The following ANTXR2 variants were observed in gnomAD, a reference collection of about 807,000 sequenced individuals.
ANTXR2 encodes ANTXR cell adhesion molecule 2, also known as anthrax toxin receptor 2.
A neutral mutation model predicts 73.7 loss-of-function variants in ANTXR2; 44 were observed. That is an observed-to-expected ratio of 0.60 (90% CI 0.47 to 0.77). The LOEUF is 0.77. Ranked by LOEUF, ANTXR2 falls within the 30% of genes least tolerant of loss-of-function variation. The pLI, the probability that ANTXR2 is intolerant of heterozygous loss-of-function variation, is 0.00. For missense variants in ANTXR2, 604 were observed against 592.5 expected, an observed-to-expected ratio of 1.02 and a Z score of -0.20; for synonymous variants, 217 against 205.9, an observed-to-expected ratio of 1.05 and a Z score of -0.46.
At chr4:79,982,197 T>C (rs1299782234) in intron 14 of ANTXR2, among the ~76,000 whole-genome samples, 1 of 152,166 alleles carries the variant, frequency 6.6e-6, no homozygotes, top group African/African-American at 2.4e-5. Context: ...TATCATGCCA[T>C]ATTTTACATG....
Position 79,983,989 on chromosome 4 carries a change from T to C in ANTXR2, c.1087-19A>G. 6.7e-7 allele frequency: 1 copy of C among 1,502,920 alleles called. No individual in the cohort carries two copies. The highest frequency in any genetic ancestry group is 1.3e-5 in the South Asian group (1 of 79,252). The allele number at this position is 1,502,920 out of a possible 1,614,324, so 93.1% of individuals were successfully genotyped here. A position where few individuals can be genotyped will look rare whatever the true frequency, so the allele number is the denominator to read the frequency against. ...CTTCCTCCTGTGGAAATATGTTTTA[T>C]AAATAGTTTTTAATTAATTTCTTAA... On this transcript the variant is annotated intron_variant, in intron 13 of 16. Coordinates refer to ENST00000403729, the MANE Select transcript of ANTXR2 (RefSeq NM_058172.6).
Position 79,975,913 on chromosome 4 carries a change from A to C in ANTXR2, c.1428+1708T>G, listed in dbSNP as rs1265991948. On this transcript the variant is annotated intron_variant, in intron 16 of 16. Coordinates refer to ENST00000403729, the MANE Select transcript of ANTXR2 (RefSeq NM_058172.6). ...CCAGGAATAAATTTTCTCAAATTAC[A>C]CTTTTTTTTTTTTTTTTGAGACGTA... Among the ~76,000 whole-genome samples the C allele has an allele frequency of 1.4e-4, 13 of 91,048 alleles. No homozygotes were observed. The East Asian group carries it at 3.5e-3, about 25-fold the overall frequency. 59.7% of individuals were successfully genotyped at this position (91,048 alleles called of 152,430 possible). A position where few individuals can be genotyped will look rare whatever the true frequency, so the allele number is the denominator to read the frequency against.
At chr4:80,008,459 C>A in intron 12 of ANTXR2, 62 bp downstream of exon 12, 1 of 1,328,938 alleles carries the variant, frequency 7.5e-7, no homozygotes, top group South Asian at 1.4e-5. Context: ...ATTCATATTT[C>A]AGACCTTACT....
intron 7 of ANTXR2, among the ~76,000 whole-genome samples, chr4:80,046,477 A>G (rs530104787): frequency 6.6e-6 from 1 of 151,934 alleles, no homozygotes; most frequent in South Asian, 2.1e-4. Flanking sequence ...ATGAGATAAA[A>G]TAATAATAAA....
chr4:80,068,303 T>C (rs1021070611), intron 3 of ANTXR2, among the ~76,000 whole-genome samples: 5 of 152,200 alleles, frequency 3.3e-5, no homozygotes, highest in African/African-American at 1.2e-4. Flanking sequence ...CCAGCTTCCC[T>C]TGCTGAAACT....
rs190198202 is a variant in ANTXR2 at position 80,018,945 on chromosome 4, C to T, written c.898G>A (p.Gly300Arg). ...TLDVSVSFNG[G>R]KSVISGSLIV... ...AATGATCCTGAAATGACAGATTTTC[C>T]TCCATTAAAGCTCACTGAAACATCA... Residue 300 changes from glycine to arginine, a missense_variant, in exon 11 of 17, where the codon GGA (glycine) becomes AGA (arginine). Gly to Arg is a moderately radical substitution (Grantham distance 125, BLOSUM62 -2). Transcript: ENST00000403729. 4.3e-5 allele frequency: 65 copies of T among 1,515,902 alleles called. No individual in the cohort carries two copies. In the African/African-American group the frequency reaches 7.8e-4, roughly 18 times the overall value. The allele number at this position is 1,515,902 out of a possible 1,614,324, so 93.9% of individuals were successfully genotyped here.
chr4:79,912,780 C>A (rs983378912), intron 16 of ANTXR2, among the ~76,000 whole-genome samples: 1 of 151,866 alleles, frequency 6.6e-6, no homozygotes, highest in African/African-American at 2.4e-5. Flanking sequence ...GTGCAACAAT[C>A]AGAGACTAGT....
intron 16 of ANTXR2, among the ~76,000 whole-genome samples, chr4:79,957,308 A>G (rs1578110754): frequency 6.6e-6 from 1 of 152,094 alleles, no homozygotes; most frequent in African/African-American, 2.4e-5. Flanking sequence ...TGCATCTTCA[A>G]TAATTAATTA....
chr4:80,044,082 A>G (rs1733405589), intron 7 of ANTXR2, among the ~76,000 whole-genome samples: 1 of 151,984 alleles, frequency 6.6e-6, no homozygotes, highest in African/African-American at 2.4e-5. Context: ...ACGGGCTACA[A>G]AGAAGTTTCC....
chr4:80,001,600 T>G (rs1469768420), intron 12 of ANTXR2, among the ~76,000 whole-genome samples: 1 of 150,896 alleles, frequency 6.6e-6, no homozygotes, highest in African/African-American at 2.4e-5. Flanking sequence ...TTCCTGGGTA[T>G]CCTTGTTAAC....
intron 12 of ANTXR2, among the ~76,000 whole-genome samples, chr4:79,985,250 T>A (rs1048213082): frequency 3.2e-4 from 49 of 151,248 alleles, no homozygotes; most frequent in African/African-American, 1.2e-3. Context: ...CTTGCGAGGC[T>A]GAGGCAGGAG....
At chr4:79,993,966 T>A (rs1256748080) in intron 12 of ANTXR2, among the ~76,000 whole-genome samples, 1 of 151,920 alleles carries the variant, frequency 6.6e-6, no homozygotes, top group Non-Finnish European at 1.5e-5. Flanking sequence ...TGGTCAATAT[T>A]TCAGTGTGGT....
At chr4:79,913,396 G>A (rs1012234209) in intron 16 of ANTXR2, among the ~76,000 whole-genome samples, 4 of 152,052 alleles carry the variant, frequency 2.6e-5, no homozygotes, top group Non-Finnish European at 4.4e-5. Flanking sequence ...GTCACAACTG[G>A]CTATCTAATT....
At chr4:80,021,887 T>C (rs565322635) in intron 10 of ANTXR2, among the ~76,000 whole-genome samples, 1 of 152,296 alleles carries the variant, frequency 6.6e-6, no homozygotes, top group Admixed American at 6.5e-5. Flanking sequence ...AGCAGCGTGA[T>C]CAAAATGTAA....
In ANTXR2 at chr4:79,992,424, G is replaced by T. The variant is rs1730515049; in HGVS notation, c.1042-7561C>A. Among the ~76,000 whole-genome samples the T allele has an allele frequency of 2.0e-5, 3 of 151,786 alleles. No homozygotes were observed. The South Asian group carries it at 6.2e-4, about 32-fold the overall frequency. ...AATGACAATAATATAGATATAAATAGTAATTAAATTTGAATCTCCTTTTGA... is the reference window on the plus strand; with the variant it reads ...AATGACAATAATATAGATATAAATATTAATTAAATTTGAATCTCCTTTTGA... On this transcript the variant is annotated intron_variant, in intron 12 of 16. Transcript: ENST00000403729.
intron 3 of ANTXR2, among the ~76,000 whole-genome samples, chr4:80,057,950 CTTG>C (rs999538447): frequency 2.6e-5 from 4 of 151,968 alleles, no homozygotes; most frequent in East Asian, 3.9e-4. Context: ...AATTCATAAG[CTTG>C]TTGTATCTAA....
rs558270225 is a variant in ANTXR2 at position 79,923,754 on chromosome 4, A to G, written c.1429-16287T>C. ...CAGTTAACTGACTTCATAGGTATTT[A>G]TTTTCCTTTATGCCTCTGTTATTCC... On this transcript the variant is annotated intron_variant, in intron 16 of 16. Transcript: ENST00000403729. Among the ~76,000 whole-genome samples, 8 of 152,188 alleles carry G rather than the reference A, an allele frequency of 5.3e-5. No homozygotes were observed. The South Asian group carries it at 1.7e-3, about 32-fold the overall frequency.
chr4:80,071,277 A>G (rs940243183), intron 2 of ANTXR2, among the ~76,000 whole-genome samples: 2 of 152,190 alleles, frequency 1.3e-5, no homozygotes, highest in Admixed American at 6.5e-5. Flanking sequence ...TATTTTTTTA[A>G]TGTGATAAAT....
At chr4:80,015,354 T>C (rs1239358772) in intron 11 of ANTXR2, among the ~76,000 whole-genome samples, 1 of 152,214 alleles carries the variant, frequency 6.6e-6, no homozygotes, top group Non-Finnish European at 1.5e-5. Flanking sequence ...CTTTATAATA[T>C]GGATTTCTTC....
Sources: allele counts gnomAD v4.1 joint callset (sites outside exome capture counted in the v4.1 genomes callset), GRCh38; gene constraint gnomAD v4.1.1; transcripts MANE v1.5; gene names NCBI Gene and HGNC (gene_info 2026-07-23, HGNC 2026-07-21).